The following FBXL13 variants were observed in gnomAD, a reference collection of about 807,000 sequenced individuals.
The protein encoded by FBXL13 is F-box and leucine-rich repeat protein 13.
FBXL13 carries 67 observed loss-of-function variants against 83.6 expected under a neutral mutation model. The ratio of observed to expected loss-of-function variants is 0.80; its 90% CI spans 0.66 to 0.98. The LOEUF (loss-of-function observed/expected upper bound fraction) is 0.98. Among genes scored for constraint, FBXL13 ranks in the 50% least tolerant of loss-of-function variants. The probability of loss-of-function intolerance (pLI) is 0.00; values close to 1 mark genes in which losing one functional copy is unlikely to be tolerated. For missense variants in FBXL13, 822 were observed against 866.5 expected (o/e 0.95, Z 0.64); for synonymous variants, 272 against 299.5 (o/e 0.91, Z 0.95).
At chr7:103,013,649 G>T (rs552162105) in intron 6 of FBXL13, among the ~76,000 whole-genome samples, 18 of 152,242 alleles carry the variant, frequency 1.2e-4, no homozygotes, top group Non-Finnish European at 2.4e-4. Flanking sequence ...TAAGAGGGAA[G>T]TTTATAGCAC....
Position 102,959,187 on chromosome 7 carries a change from C to A in FBXL13, c.724+4346G>T, listed in dbSNP as rs578081233. 1.6e-4 allele frequency among the ~76,000 whole-genome samples: 24 copies of A among 152,182 alleles called. 1 individual carries two copies. The South Asian group carries it at 3.3e-3, about 21-fold the overall frequency. On this transcript the variant is annotated intron_variant, in intron 8 of 19. Coordinates refer to ENST00000313221, the Ensembl canonical transcript of FBXL13. ...CTTAATACATGGTCAGATACAATAACATCATATAAAAAACTACTGCTTTGT... is the reference window on the plus strand; with the variant it reads ...CTTAATACATGGTCAGATACAATAAAATCATATAAAAAACTACTGCTTTGT...
intron 11 of FBXL13, among the ~76,000 whole-genome samples, 185 bp from the exon 13 acceptor site, chr7:102,884,497 G>A (rs1584775304): frequency 6.6e-6 from 1 of 152,098 alleles, no homozygotes; most frequent in East Asian, 1.9e-4. Flanking sequence ...TTTTATCGAG[G>A]TAAAATTTAT....
chr7:102,904,649 A>G (rs1190771454), intron 11 of FBXL13, among the ~76,000 whole-genome samples: 1 of 151,388 alleles, frequency 6.6e-6, no homozygotes, highest in East Asian at 1.9e-4. Context: ...TTTTCTTCTA[A>G]TAATTTTGGG....
At chr7:102,906,951 G>C (rs117590390) in intron 11 of FBXL13, among the ~76,000 whole-genome samples, 2 of 151,078 alleles carry the variant, frequency 1.3e-5, no homozygotes, top group South Asian at 4.2e-4. Flanking sequence ...GTTTGATTGG[G>C]TTTTTTTTGT....
At chr7:102,857,122 G>A (rs6465876) in intron 16 of FBXL13, among the ~76,000 whole-genome samples, 4 of 151,812 alleles carry the variant, frequency 2.6e-5, no homozygotes, top group Non-Finnish European at 5.9e-5. Flanking sequence ...GACCTGAAAC[G>A]ATAGAGCTAT....
intron 8 of FBXL13, chr7:102,944,358 C>T: frequency 6.2e-7 from 1 of 1,614,102 alleles, no homozygotes; most frequent in South Asian, 1.1e-5. Flanking sequence ...ACAACATTCA[C>T]TACCTCTACT....
chr7:102,812,336 G>A (rs939782083), downstream of FBXL13, among the ~76,000 whole-genome samples: 4 of 152,182 alleles, frequency 2.6e-5, no homozygotes, highest in African/African-American at 9.7e-5. Flanking sequence ...AATTGAGGGA[G>A]CATCTTTTTT....
intron 6 of FBXL13, among the ~76,000 whole-genome samples, chr7:103,023,200 C>A (rs949415547): frequency 6.6e-6 from 1 of 152,062 alleles, no homozygotes; most frequent in Non-Finnish European, 1.5e-5. Flanking sequence ...GCCGTGAAAC[C>A]GGGAGGTGGA....
intron 1 of FBXL13, among the ~76,000 whole-genome samples, chr7:103,057,638 G>C (rs1210107511): frequency 1.3e-5 from 2 of 152,208 alleles, no homozygotes; most frequent in Non-Finnish European, 2.9e-5. Context: ...CAATGGACTT[G>C]CTGGATCTAA....
chr7:102,979,415 C>G (rs1356569831), intron 6 of FBXL13, among the ~76,000 whole-genome samples: 1 of 152,076 alleles, frequency 6.6e-6, no homozygotes, highest in African/African-American at 2.4e-5. Context: ...CCAGATAATC[C>G]AGGATAATCT....
intron 10 of FBXL13, among the ~76,000 whole-genome samples, chr7:102,922,189 CAAA>C (rs764424966): frequency 1.2e-5 from 1 of 82,542 alleles, no homozygotes. Context: ...GACTCTGTCT[CAAA>C]AAAAAAAAAA....
chr7:102,879,599 TTTTGTTTG>T (rs1054333057), intron 14 of FBXL13, among the ~76,000 whole-genome samples: 4 of 152,178 alleles, frequency 2.6e-5, no homozygotes, highest in East Asian at 1.9e-4. Flanking sequence ...CATGCTGTTT[TTTTGTTTG>T]TTTGTTTGTT....
At chr7:102,913,125 G>A in exon 11 of FBXL13, 1 of 1,614,120 alleles carries the variant, frequency 6.2e-7, no homozygotes, top group Non-Finnish European at 8.5e-7. Flanking sequence ...TGAGCTTGTG[G>A]CATCCATTCC....
intron 9 of FBXL13, among the ~76,000 whole-genome samples, chr7:102,927,370 G>A (rs1254874181): frequency 6.6e-6 from 1 of 152,126 alleles, no homozygotes; most frequent in African/African-American, 2.4e-5. Flanking sequence ...ATCATTACTA[G>A]GCTAGAAGAT....
intron 6 of FBXL13, among the ~76,000 whole-genome samples, chr7:103,018,615 AG>A (rs1792690632): frequency 6.6e-6 from 1 of 152,198 alleles, no homozygotes; most frequent in Non-Finnish European, 1.5e-5. Flanking sequence ...CTCAAAATAA[AG>A]GGATGGAGGA....
chr7:102,834,170 G>T (rs1271681688), intron 17 of FBXL13, among the ~76,000 whole-genome samples: 1 of 148,242 alleles, frequency 6.7e-6, no homozygotes, highest in Non-Finnish European at 1.5e-5. Flanking sequence ...GAAAAAGGAG[G>T]AAATTTCCTC....
At chr7:102,904,891 T>G (rs1463675475) in intron 11 of FBXL13, among the ~76,000 whole-genome samples, 2 of 152,190 alleles carry the variant, frequency 1.3e-5, no homozygotes, top group Non-Finnish European at 2.9e-5. Flanking sequence ...AGGAGCATAT[T>G]GTTTAACTTC....
At chr7:102,837,382 G>A (rs1272652677) in intron 17 of FBXL13, among the ~76,000 whole-genome samples, 1 of 152,216 alleles carries the variant, frequency 6.6e-6, no homozygotes, top group Non-Finnish European at 1.5e-5. Flanking sequence ...GGGAAAGGGG[G>A]ATAAGGCCAA....
chr7:103,022,797 T>C (rs1310682797), intron 6 of FBXL13, among the ~76,000 whole-genome samples: 1 of 152,054 alleles, frequency 6.6e-6, no homozygotes, highest in Non-Finnish European at 1.5e-5. Context: ...CCAAAAGCAA[T>C]TGCAACAAAA....
Sources: allele counts gnomAD v4.1 joint callset (sites outside exome capture counted in the v4.1 genomes callset), GRCh38; gene constraint gnomAD v4.1.1; transcripts MANE v1.5; gene names NCBI Gene and HGNC (gene_info 2026-07-23, HGNC 2026-07-21).